FARS2: variants seen among roughly 807,000 people sequenced by gnomAD.
The protein encoded by FARS2 is phenylalanyl-tRNA synthetase 2, mitochondrial.
Under a neutral mutation model 46.4 loss-of-function variants are expected in FARS2, and 40 were observed. That is an observed-to-expected ratio of 0.86 (90% CI 0.67 to 1.12). The LOEUF (loss-of-function observed/expected upper bound fraction) is 1.12. Ranked by LOEUF, FARS2 falls within the 50% of genes most tolerant of loss-of-function variation. The pLI is 0.00. For synonymous variants in FARS2, 234 were observed against 214.9 expected (o/e 1.09, Z -0.78); for missense variants, 513 against 567.9 (o/e 0.90, Z 0.98).
chr6:5,543,370 G>C (rs1323171762), intron 4 of FARS2, among the ~76,000 whole-genome samples: 2 of 123,148 alleles, frequency 1.6e-5, no homozygotes, highest in Admixed American at 1.0e-4. Context: ...TTCTGTTGTT[G>C]GTGGTGGTTT....
intron 4 of FARS2, among the ~76,000 whole-genome samples, chr6:5,436,514 T>C (rs1763529311): frequency 6.6e-6 from 1 of 152,236 alleles, no homozygotes; most frequent in South Asian, 2.1e-4. Context: ...ACACACCTTC[T>C]CCCTGTGAAA....
chr6:5,642,072 G>T (rs1039938863), intron 6 of FARS2, among the ~76,000 whole-genome samples: 5 of 152,120 alleles, frequency 3.3e-5, no homozygotes, highest in African/African-American at 9.7e-5. Context: ...GATCTCCTTA[G>T]CCAAGGACTC....
At chr6:5,474,945 A>G (rs1003103672) in intron 4 of FARS2, among the ~76,000 whole-genome samples, 1 of 152,208 alleles carries the variant, frequency 6.6e-6, no homozygotes, top group Non-Finnish European at 1.5e-5. Context: ...GGCATGAGCC[A>G]CCACGCCGGT....
intron 6 of FARS2, among the ~76,000 whole-genome samples, chr6:5,770,781 T>C (rs1034976403): frequency 6.6e-6 from 1 of 152,228 alleles, no homozygotes; most frequent in African/African-American, 2.4e-5. Flanking sequence ...ATGGCCTGTA[T>C]GCTTCCTGGA....
chr6:5,270,616 T>C (rs924507974), intron 1 of FARS2, among the ~76,000 whole-genome samples: 1 of 152,194 alleles, frequency 6.6e-6, no homozygotes, highest in African/African-American at 2.4e-5. Context: ...GTCAGGTATG[T>C]TCCTTAGATA....
chr6:5,370,018 ACAGGGTGTATTT>A (rs975207483), intron 2 of FARS2, among the ~76,000 whole-genome samples: 2 of 152,178 alleles, frequency 1.3e-5, no homozygotes, highest in Non-Finnish European at 2.9e-5. Flanking sequence ...TAAACTAAGC[ACAGGGTGTATTT>A]CATTTTACTT....
At chr6:5,654,595 T>C (rs980388239) in intron 6 of FARS2, among the ~76,000 whole-genome samples, 1 of 152,002 alleles carries the variant, frequency 6.6e-6, no homozygotes, top group African/African-American at 2.4e-5. Context: ...TCTTCAAGGG[T>C]GGATTCCAGG....
chr6:5,477,804 A>C (rs1766210452), intron 4 of FARS2, among the ~76,000 whole-genome samples: 1 of 152,202 alleles, frequency 6.6e-6, no homozygotes, highest in Non-Finnish European at 1.5e-5. Context: ...GGATGGCTTG[A>C]GACCAGGAGG....
At chr6:5,445,579 G>A (rs2127797059) in intron 4 of FARS2, among the ~76,000 whole-genome samples, 1 of 152,292 alleles carries the variant, frequency 6.6e-6, no homozygotes, top group South Asian at 2.1e-4. Flanking sequence ...TCAAGAATTG[G>A]ATATTACTGG....
intron 2 of FARS2, among the ~76,000 whole-genome samples, chr6:5,403,608 A>G (rs2503822): frequency 0.082 from 12,522 of 152,088 alleles, 1,077 homozygotes; most frequent in African/African-American, 0.22. Flanking sequence ...AATGCTGTTA[A>G]GAATTTCTGT....
At chr6:5,529,495 A>G (rs1181035270) in intron 4 of FARS2, among the ~76,000 whole-genome samples, 1 of 152,048 alleles carries the variant, frequency 6.6e-6, no homozygotes, top group Non-Finnish European at 1.5e-5. Context: ...TTTAGTAGAG[A>G]CGGGGTTTTA....
chr6:5,633,671 A>G (rs181449492), intron 6 of FARS2, among the ~76,000 whole-genome samples: 68 of 152,326 alleles, frequency 4.5e-4, no homozygotes, highest in Admixed American at 2.2e-3. Flanking sequence ...TGCCATTGTC[A>G]TATACTATTT....
At chr6:5,267,773 G>A (rs1368159668) in intron 1 of FARS2, among the ~76,000 whole-genome samples, 1 of 147,738 alleles carries the variant, frequency 6.8e-6, no homozygotes, top group South Asian at 2.1e-4. Context: ...AAAAAAAATC[G>A]CCACACTGTC....
intron 1 of FARS2, among the ~76,000 whole-genome samples, chr6:5,283,933 T>C (rs1296433688): frequency 6.6e-6 from 1 of 152,212 alleles, no homozygotes; most frequent in Non-Finnish European, 1.5e-5. Flanking sequence ...GGTATATATG[T>C]AGGTTTAAAT....
chr6:5,271,112 C>T (rs1363747920), intron 1 of FARS2, among the ~76,000 whole-genome samples: 1 of 152,152 alleles, frequency 6.6e-6, no homozygotes, highest in Non-Finnish European at 1.5e-5. Context: ...GCCAGATGGG[C>T]TTTAGGGTTG....
At chr6:5,701,110 G>A (rs1195455995) in intron 6 of FARS2, among the ~76,000 whole-genome samples, 1 of 152,216 alleles carries the variant, frequency 6.6e-6, no homozygotes, top group Non-Finnish European at 1.5e-5. Flanking sequence ...GGATTTGGTG[G>A]GCTGCAGCAG....
At chr6:5,376,238 T>C (rs1453814200) in intron 2 of FARS2, among the ~76,000 whole-genome samples, 2 of 152,244 alleles carry the variant, frequency 1.3e-5, no homozygotes, top group Non-Finnish European at 2.9e-5. Context: ...CATATACTTT[T>C]ATGTGTATGA....
intron 1 of FARS2, among the ~76,000 whole-genome samples, chr6:5,349,448 A>C (rs1377618144): frequency 6.6e-6 from 1 of 152,186 alleles, no homozygotes; most frequent in East Asian, 1.9e-4. Context: ...ATATCAGCAA[A>C]GTTTTTTTTT....
At chr6:5,304,848 CT>C (rs1341231066) in intron 1 of FARS2, among the ~76,000 whole-genome samples, 2 of 152,168 alleles carry the variant, frequency 1.3e-5, no homozygotes, top group Non-Finnish European at 2.9e-5. Flanking sequence ...AGAATTCGGA[CT>C]TTTAAAAAGA....
Sources: gnomAD v4.1 joint callset for allele counts (sites outside exome capture counted in the v4.1 genomes callset) on GRCh38, gnomAD v4.1.1 for gene constraint, MANE v1.5 for transcripts, NCBI Gene and HGNC (gene_info 2026-07-23, HGNC 2026-07-21) for gene names.